The following MED24 variants were observed in gnomAD, a reference collection of about 807,000 sequenced individuals.
The protein encoded by MED24 is mediator complex subunit 24, also known as mediator of RNA polymerase II transcription subunit 24.
Under a neutral mutation model 118.8 loss-of-function variants are expected in MED24, and 74 were observed. The observed-to-expected ratio is 0.62, with a 90% CI of 0.52 to 0.76. The LOEUF is 0.76. Among genes scored for constraint, MED24 ranks in the 30% least tolerant of loss-of-function variants. MED24 has a pLI of 0.00. For synonymous variants in MED24, 521 were observed against 523.9 expected, an observed-to-expected ratio of 0.99 and a Z score of 0.08; for missense variants, 1,041 against 1,278.9, an observed-to-expected ratio of 0.81 and a Z score of 2.84.
In MED24 at chr17:40,019,269, A is replaced by T; in HGVS notation, c.*260T>A. Reference sequence around the variant, plus strand: ...TACTCCTGGGCTGGGGCGGGCGCACACAGGGGTGACCACTGGGCTTGTGGT... The same window carrying T: ...TACTCCTGGGCTGGGGCGGGCGCACTCAGGGGTGACCACTGGGCTTGTGGT... On this transcript the variant is annotated 3_prime_UTR_variant, in exon 26 of 26. Coordinates refer to ENST00000394128, the MANE Select transcript of MED24 (RefSeq NM_014815.4). 1 of 508,064 alleles carries T rather than the reference A, an allele frequency of 2.0e-6. No individual in the cohort carries two copies. The highest frequency in any genetic ancestry group is 3.5e-6 in the Non-Finnish European group (1 of 285,206). The allele number at this position is 508,064 out of a possible 1,614,324, so 31.5% of individuals were successfully genotyped here. A position where few individuals can be genotyped will look rare whatever the true frequency, so the allele number is the denominator to read the frequency against.
intron 9 of MED24, 109 bp from the exon 10 acceptor site, chr17:40,032,199 C>G (rs1324006014): frequency 1.2e-5 from 16 of 1,297,918 alleles, no homozygotes; most frequent in South Asian, 4.9e-5. Context: ...GACAGGAACA[C>G]TCCTACCCTG....
At position 40,026,678 on chromosome 17, in the gene MED24, T is replaced by A; in HGVS notation, c.1778A>T (p.Glu593Val). Residue 593 changes from glutamate (E) to valine (V), a missense_variant, in exon 18 of 26, where the codon GAG becomes GTG. Transcript: ENST00000394128. ...GGACTCGAAGGCCAGGACCCCATTC[T>A]CCCAGGCATTGAGGATTTCCAAGAT... is the stretch of plus-strand genomic sequence containing the variant. The part of the protein sequence containing the change: ...AAILEILNAW[E>V]NGVLAFESIQ... 1 of 1,611,952 alleles carries A rather than the reference T, an allele frequency of 6.2e-7. No individual in the cohort carries two copies. The highest frequency in any genetic ancestry group is 8.5e-7 in the Non-Finnish European group (1 of 1,178,990).
At chr17:40,020,422 T>C in intron 23 of MED24, 69 bp from the exon 24 acceptor site, 1 of 1,550,990 alleles carries the variant, frequency 6.4e-7, no homozygotes, top group Non-Finnish European at 8.7e-7. Context: ...TCCCCGGGGA[T>C]GCCCCAACCC....
Position 40,032,995 on chromosome 17 carries a change from C to T in MED24, c.822+61G>A, listed in dbSNP as rs1050932410. On this transcript the variant is annotated intron_variant, in intron 8 of 25. Coordinates refer to ENST00000394128, the MANE Select transcript of MED24 (RefSeq NM_014815.4). ...CCCAGGGAGAACCAGAAGAATCCTC[C>T]CTCCTGCCCCCAACAGGCTGGCCTG... 23 of 1,596,602 alleles carry T rather than the reference C, an allele frequency of 1.4e-5. No homozygotes were observed. The African/African-American group carries it at 3.1e-4, about 21-fold the overall frequency.
chr17:40,022,658 T>G lies in MED24; in HGVS notation c.2419A>C (p.Thr807Pro). The G allele has an allele frequency of 6.2e-7, 1 of 1,613,402 alleles. No individual in the cohort carries two copies. The highest frequency in any genetic ancestry group is 8.5e-7 in the Non-Finnish European group (1 of 1,179,954). The change falls in exon 21 of 26, where the codon ACT becomes CCT. Residue 807 changes from threonine (T) to proline (P), a missense_variant. Coordinates refer to ENST00000394128, the MANE Select transcript of MED24 (RefSeq NM_014815.4). ...KWHSLMDPPG[T>P]ALAKLAVWCA... is the part of the protein sequence containing the mutation. ...AGAGAATCTTACTTGGCAAGAGCAG[T>G]GCCCGGGGGGTCCATGAGGCTGTGC...
intron 3 of MED24, 41 bp from the exon 4 acceptor site, chr17:40,036,195 T>A (rs376759287): frequency 1.3e-6 from 2 of 1,577,114 alleles, no homozygotes; most frequent in Admixed American, 3.3e-5. Context: ...ACAACTAGTC[T>A]CCCACAGTTG....
At position 40,026,460 on chromosome 17, in the gene MED24, A is replaced by G. The variant is rs189064129; in HGVS notation, c.1810-129T>C. The G allele has an allele frequency of 2.2e-3, 2,804 of 1,269,100 alleles. 8 individuals are homozygous for G. The highest frequency in any genetic ancestry group is 6.4e-3 in the South Asian group (471 of 73,058). 78.6% of individuals were successfully genotyped at this position (1,269,100 alleles called of 1,614,324 possible). Reference sequence around the variant, plus strand: ...CGGGCCACATTCCACACCTCTCTCCACAAGTTTGATCTTCCCAGAGCTACC... The same window carrying G: ...CGGGCCACATTCCACACCTCTCTCCGCAAGTTTGATCTTCCCAGAGCTACC... On this transcript the variant is annotated intron_variant, in intron 18 of 25. Coordinates refer to ENST00000394128, the MANE Select transcript of MED24 (RefSeq NM_014815.4).
intron 3 of MED24, among the ~76,000 whole-genome samples, chr17:40,043,876 G>A (rs1405979709): frequency 1.0e-5 from 1 of 99,902 alleles, no homozygotes; most frequent in East Asian, 2.5e-4. Flanking sequence ...GGGCAGAAGA[G>A]CGAGACTCCA....
In MED24 at chr17:40,031,159, C is replaced by T. The variant is rs754424040; in HGVS notation, c.1154G>A (p.Arg385His). Residue 385 changes from arginine (R) to histidine (H), a missense_variant and splice_region_variant, in exon 12 of 26, where the codon CGC becomes CAC. Arg to His is a conservative substitution (Grantham distance 29). This residue lies in a region of MED24 where 434 missense variants were observed against 514.9 expected (regional missense o/e 0.84). Coordinates refer to ENST00000394128, the MANE Select transcript of MED24 (RefSeq NM_014815.4). The stretch of plus-strand genomic sequence containing the variant: ...GTAGCACAGGTGCGTTCACACTTAC[C>T]GCTTAGCCATAAGGTTGTTGACGCT... The part of the protein sequence containing the change: ...EASVNNLMAK[R>H]KADREHAPQQ... 14 of 1,562,098 alleles carry T rather than the reference C, an allele frequency of 9.0e-6. No homozygotes were observed. The highest frequency in any genetic ancestry group is 1.7e-4 in the Middle Eastern group (1 of 5,996).
At chr17:40,045,629 G>A (rs1247037283) in intron 3 of MED24, among the ~76,000 whole-genome samples, 1 of 152,040 alleles carries the variant, frequency 6.6e-6, no homozygotes, top group African/African-American at 2.4e-5. Flanking sequence ...TACACAAAAT[G>A]CAAAAATTGG....
At chr17:40,022,983 T>TC in intron 20 of MED24, 148 bp downstream of exon 20, 1 of 1,349,952 alleles carries the variant, frequency 7.4e-7, no homozygotes, top group Non-Finnish European at 1.0e-6. Context: ...TGGCCAGAGC[T>TC]CCCCAAGGAG....
In MED24 at chr17:40,043,890, C is replaced by CAAAAA. The variant is rs35743512; in HGVS notation, c.214-7741_214-7737dup. On this transcript the variant is annotated intron_variant, in intron 3 of 25. Transcript: ENST00000394128. The stretch of plus-strand genomic sequence containing the variant: ...TGGGCAGAAGAGCGAGACTCCATCT[C>CAAAAA]AAAAAAAAAAAAAACAAAGATTTAA... 1.3e-3 allele frequency among the ~76,000 whole-genome samples: 124 copies of CAAAAA among 97,462 alleles called. 8 individuals are homozygous for CAAAAA. Among genetic ancestry groups the CAAAAA allele is most frequent in the Middle Eastern group, 0.01 (2 of 196 alleles). The allele number at this position is 97,462 out of a possible 152,430, so 63.9% of individuals were successfully genotyped here.
chr17:40,020,188 C>T, intron 24 of MED24, 85 bp downstream of exon 24: 1 of 1,334,434 alleles, frequency 7.5e-7, no homozygotes, highest in Non-Finnish European at 1.0e-6. Context: ...AGGCCCCTTC[C>T]AGCTGACAAG....
In MED24 at chr17:40,032,482, A is replaced by G. The variant is rs149962545; in HGVS notation, c.936+167T>C. 733 of 612,198 alleles carry G rather than the reference A, an allele frequency of 1.2e-3. 13 individuals carry two copies. The East Asian group carries it at 0.02, about 17-fold the overall frequency. The allele number at this position is 612,198 out of a possible 1,614,324, so 37.9% of individuals were successfully genotyped here. ...GGAGTCTGCCAAATGGGCTAAATATAGCCCTGGCACTTTCAGAGAAAATGA... is the reference window on the plus strand; with the variant it reads ...GGAGTCTGCCAAATGGGCTAAATATGGCCCTGGCACTTTCAGAGAAAATGA... On this transcript the variant is annotated intron_variant, in intron 9 of 25. Coordinates refer to ENST00000394128, the MANE Select transcript of MED24 (RefSeq NM_014815.4).
At chr17:40,025,603 G>C (rs923350710) in intron 19 of MED24, among the ~76,000 whole-genome samples, 5 of 152,204 alleles carry the variant, frequency 3.3e-5, no homozygotes, top group African/African-American at 1.2e-4. Context: ...CTGGAGACCT[G>C]TTACACAACA....
rs892310301 is a variant in MED24, at chr17:40,022,052, A to G, written c.2526T>C (p.Asp842=). ...QKKRHREDIE[D]YISLFPLDDV... is the part of the protein sequence containing the mutation. Reference sequence around the variant, plus strand: ...CGTCCAGGGGGAAGAGGCTGATATAATCCTAGAGGGAGTGAAAGTCACTGT... The same window carrying G: ...CGTCCAGGGGGAAGAGGCTGATATAGTCCTAGAGGGAGTGAAAGTCACTGT... Residue 842 remains aspartate, a splice_region_variant and synonymous_variant, in exon 23 of 26, where the codon GAT becomes GAC. Coordinates refer to ENST00000394128, the MANE Select transcript of MED24 (RefSeq NM_014815.4). The G allele has an allele frequency of 6.3e-7, 1 of 1,597,732 alleles. No individual in the cohort carries two copies. Among genetic ancestry groups the G allele is most frequent in the Non-Finnish European group, 8.5e-7 (1 of 1,172,008 alleles).
intron 15 of MED24, 188 bp from the exon 16 acceptor site, chr17:40,027,653 C>G: frequency 1.5e-6 from 1 of 671,098 alleles, no homozygotes; most frequent in Non-Finnish European, 2.5e-6. Context: ...CCAAAGACCC[C>G]CAGCACCCTC....
rs959049185 is a variant in MED24, at chr17:40,050,180, G to A, written c.213+3118C>T. ...AAAAAAAAAAAAAAAAGAGAGATAC[G>A]CATTCAGGTCAGGCACGGTGGCTCA... is the stretch of plus-strand genomic sequence containing the variant. On this transcript the variant is annotated intron_variant, in intron 3 of 25. Transcript: ENST00000394128. Among the ~76,000 whole-genome samples, 17 of 142,692 alleles carry A rather than the reference G, an allele frequency of 1.2e-4. No homozygotes were observed. In the East Asian group the frequency reaches 2.5e-3, roughly 21 times the overall value. The allele number at this position is 142,692 out of a possible 152,430, so 93.6% of individuals were successfully genotyped here. A position where few individuals can be genotyped will look rare whatever the true frequency, so the allele number is the denominator to read the frequency against.
chr17:40,035,754 C>T lies in MED24; in HGVS notation c.294G>A (p.Leu98=), dbSNP rs368052121. 11 of 1,614,026 alleles carry T rather than the reference C, an allele frequency of 6.8e-6. No homozygotes were observed. In the African/African-American group the frequency reaches 1.5e-4, roughly 22 times the overall value. Residue 98 remains leucine, a synonymous_variant, in exon 5 of 26, where the codon CTG becomes CTA. Transcript: ENST00000394128. The part of the protein sequence containing the change: ...FSRDLCVQAL[L]DIMDMFCDRL... ...GGTCACAAAACATGTCCATGATGTC[C>T]AGCAATGCCTGGACACACAGGTCCC... is the stretch of plus-strand genomic sequence containing the variant.
Sources: allele counts gnomAD v4.1 joint callset (sites outside exome capture counted in the v4.1 genomes callset), GRCh38; gene constraint gnomAD v4.1.1; regional missense constraint gnomAD v4.1.1; transcripts MANE v1.5; gene names NCBI Gene and HGNC (gene_info 2026-07-23, HGNC 2026-07-21).